Variants in ZNF423 observed in about 807,000 individuals in gnomAD.
ZNF423 encodes zinc finger protein 423, also known as Ebf-associated zinc finger protein.
Under a neutral mutation model 95.8 loss-of-function variants are expected in ZNF423, and 12 were observed. That is an observed-to-expected ratio of 0.13 (90% CI 0.08 to 0.20). The LOEUF is 0.20. ZNF423 is among the 10% of genes least tolerant of loss of function. The pLI is 1.00. For synonymous variants in ZNF423, 749 were observed against 711.9 expected (o/e 1.05, Z -0.83); for missense variants, 1,316 against 1,737.1 (o/e 0.76, Z 4.31).
intron 7 of ZNF423, among the ~76,000 whole-genome samples, chr16:49,501,024 C>T (rs767561007): frequency 7.0e-4 from 107 of 152,262 alleles, no homozygotes; most frequent in African/African-American, 2.2e-3. Context: ...TTTGGGAAGA[C>T]GGAAGCACCT....
At position 49,492,291 on chromosome 16, in the gene ZNF423, T is replaced by C. The variant is rs1284935795; in HGVS notation, c.3850-987A>G. ...TCCACCAGGTGTAGGGTGGCCCTGT[T>C]TGGGGCCGCACAGGACCCTAGATCC... is the stretch of plus-strand genomic sequence containing the variant. On this transcript the variant is annotated intron_variant, in intron 7 of 7. Transcript: ENST00000563137. This position sits in a 1 kb window ranked among gnomAD's most constrained non-coding sequence, Gnocchi z 4.2. Among the ~76,000 whole-genome samples, 3 of 145,386 alleles carry C rather than the reference T, an allele frequency of 2.1e-5. No homozygotes were observed. Among genetic ancestry groups the C allele is most frequent in the Non-Finnish European group, 3.2e-5 (2 of 63,246 alleles).
intron 2 of ZNF423, among the ~76,000 whole-genome samples, chr16:49,755,012 C>T (rs752572258): frequency 9.9e-5 from 15 of 152,208 alleles, no homozygotes; most frequent in Admixed American, 3.3e-4. Flanking sequence ...TCCGCCGGTG[C>T]GGCTATCTTC....
At chr16:49,640,417 G>GACAC in intron 3 of ZNF423, among the ~76,000 whole-genome samples, 1 of 151,520 alleles carries the variant, frequency 6.6e-6, no homozygotes, top group South Asian at 2.1e-4. Context: ...TTCACCTGCA[G>GACAC]ACACACACAC....
chr16:49,801,826 C>A lies in ZNF423; in HGVS notation c.41-12280G>T, dbSNP rs142861034. ...AAGCAATTTGTCAAAAGTCATGGAGCTAGGATGGGGTATAGCCAGGACTGG... is the reference window on the plus strand; with the variant it reads ...AAGCAATTTGTCAAAAGTCATGGAGATAGGATGGGGTATAGCCAGGACTGG... On this transcript the variant is annotated intron_variant, in intron 1 of 7. Coordinates refer to ENST00000563137, the MANE Select transcript of ZNF423 (RefSeq NM_001379286.1). Among the ~76,000 whole-genome samples, 492 of 152,174 alleles carry A rather than the reference C, an allele frequency of 3.2e-3. 6 individuals carry two copies. Among genetic ancestry groups the A allele is most frequent in the African/African-American group, 0.011 (444 of 41,526 alleles).
In ZNF423 at chr16:49,637,533, T is replaced by C. The variant is rs1000196182; in HGVS notation, c.1643A>G (p.His548Arg). The C allele has an allele frequency of 6.2e-7, 1 of 1,613,718 alleles. No homozygotes were observed. The highest frequency in any genetic ancestry group is 1.7e-5 in the Admixed American group (1 of 59,986). ...SSLTEHIQQA[H>R]CSVGSAKLES... ...TAGTTTGGCACTGCCCACACTGCAG[T>C]GGGCCTGCTGGATGTGCTCGGTGAG... The change falls in exon 4 of 8, where the codon CAC becomes CGC. Residue 548 changes from histidine (H) to arginine (R), a missense_variant. Coordinates refer to ENST00000563137, the MANE Select transcript of ZNF423 (RefSeq NM_001379286.1). The surrounding 1 kb of genome is among the most constrained non-coding windows in gnomAD (Gnocchi z 5.6).
intron 1 of ZNF423, among the ~76,000 whole-genome samples, chr16:49,828,824 G>C (rs1225233609): frequency 6.6e-6 from 1 of 152,218 alleles, no homozygotes; most frequent in Non-Finnish European, 1.5e-5. Context: ...TGGAGACCCA[G>C]GGAGGCTCTT....
intron 5 of ZNF423, among the ~76,000 whole-genome samples, chr16:49,585,059 GA>G (rs1354114831): frequency 6.6e-6 from 1 of 152,114 alleles, no homozygotes; most frequent in Non-Finnish European, 1.5e-5. Context: ...AAGTGCTCAT[GA>G]ACTTTCAGGG....
intron 5 of ZNF423, among the ~76,000 whole-genome samples, chr16:49,599,735 G>A (rs1470699714): frequency 6.6e-6 from 1 of 152,190 alleles, no homozygotes; most frequent in East Asian, 1.9e-4. Context: ...TAAATGTAGA[G>A]CCAAAGAAGC....
intron 3 of ZNF423, among the ~76,000 whole-genome samples, chr16:49,669,620 G>A (rs755094860): frequency 2.0e-5 from 3 of 152,218 alleles, no homozygotes; most frequent in Non-Finnish European, 4.4e-5. Context: ...GTTGGACCTA[G>A]AGACCCCTTG....
chr16:49,677,285 A>AGGGAAGGGAAGGGAAGGGAAGG (rs1555470585), intron 3 of ZNF423, among the ~76,000 whole-genome samples: 1 of 87,518 alleles, frequency 1.1e-5, no homozygotes. Context: ...AGAGAAGAGA[A>AGGGAAGGGAAGGGAAGGGAAGG]GAGAAGAGAA....
At chr16:49,778,179 T>C (rs1385154085) in intron 2 of ZNF423, among the ~76,000 whole-genome samples, 2 of 152,154 alleles carry the variant, frequency 1.3e-5, no homozygotes, top group Non-Finnish European at 2.9e-5. Context: ...CAGCATAATC[T>C]CATGTGTGTG....
chr16:49,769,725 C>G (rs576546650), intron 2 of ZNF423, among the ~76,000 whole-genome samples: 3 of 151,394 alleles, frequency 2.0e-5, no homozygotes, highest in African/African-American at 7.3e-5. Context: ...CTCTCTCCCC[C>G]TCTCATCTCC....
At chr16:49,663,555 G>A (rs774530556) in intron 3 of ZNF423, among the ~76,000 whole-genome samples, 14 of 152,200 alleles carry the variant, frequency 9.2e-5, no homozygotes, top group Non-Finnish European at 1.5e-4. Context: ...AGTCAGGCCC[G>A]GCAGCTGCAC....
rs1439145194 is a variant in ZNF423 at position 49,487,666 on chromosome 16, T to C, written c.*3609A>G. 6.6e-6 allele frequency: 1 copy of C among 152,222 alleles called. No individual in the cohort carries two copies. The highest frequency in any genetic ancestry group is 1.9e-4 in the East Asian group (1 of 5,202). The allele number at this position is 152,222 out of a possible 1,614,324, so 9.4% of individuals were successfully genotyped here. A position where few individuals can be genotyped will look rare whatever the true frequency, so the allele number is the denominator to read the frequency against. On this transcript the variant is annotated 3_prime_UTR_variant, in exon 8 of 8. Coordinates refer to ENST00000563137, the MANE Select transcript of ZNF423 (RefSeq NM_001379286.1). ...AAGTCTATCCTGAATGGTATGATCT[T>C]GGACAAGATTCTGAACTTCTCTGGG...
Sources: allele counts gnomAD v4.1 joint callset (sites outside exome capture counted in the v4.1 genomes callset), GRCh38; gene constraint gnomAD v4.1.1; non-coding constraint Gnocchi (gnomAD v3.1); transcripts MANE v1.5; gene names NCBI Gene and HGNC (gene_info 2026-07-23, HGNC 2026-07-21).